Variants in ADAMTS18 observed in about 807,000 individuals in gnomAD.
The protein encoded by ADAMTS18 is A disintegrin and metalloproteinase with thrombospondin motifs 18.
A neutral mutation model predicts 165.9 loss-of-function variants in ADAMTS18; 157 were observed. The ratio of observed to expected loss-of-function variants is 0.95; its 90% CI spans 0.83 to 1.08. The LOEUF is 1.08. Ranked by LOEUF, ADAMTS18 falls within the 50% of genes least tolerant of loss-of-function variation. ADAMTS18 has a pLI of 0.00. For missense variants in ADAMTS18, 2,040 were observed against 1,534.0 expected, an observed-to-expected ratio of 1.33 and a Z score of -5.51; for synonymous variants, 782 against 578.2, an observed-to-expected ratio of 1.35 and a Z score of -5.06.
At position 77,321,229 on chromosome 16, in the gene ADAMTS18, A is replaced by T. The variant is rs1419864580; in HGVS notation, c.2164-27T>A. 1.9e-6 allele frequency: 3 copies of T among 1,613,962 alleles called. No individual in the cohort carries two copies. The South Asian group carries it at 3.3e-5, about 18-fold the overall frequency. ...TGTGACAAAAACAAAAAACGTGAGA[A>T]AATAAAAGATCAGAGAAGCCAGAGG... On this transcript the variant is annotated intron_variant, in intron 14 of 22. Coordinates refer to ENST00000282849, the MANE Select transcript of ADAMTS18 (RefSeq NM_199355.4).
intron 3 of ADAMTS18, among the ~76,000 whole-genome samples, chr16:77,430,161 C>CAAAA (rs1289271946): frequency 1.3e-5 from 2 of 151,754 alleles, no homozygotes; most frequent in South Asian, 2.1e-4. Flanking sequence ...AACAAACAAA[C>CAAAA]AAACAAACAA....
chr16:77,414,146 C>G (rs964516642), intron 3 of ADAMTS18, among the ~76,000 whole-genome samples: 1 of 152,226 alleles, frequency 6.6e-6, no homozygotes, highest in Non-Finnish European at 1.5e-5. Flanking sequence ...ATCAACCTGT[C>G]CACATCAGAG....
At chr16:77,406,344 A>G (rs537385574) in intron 3 of ADAMTS18, among the ~76,000 whole-genome samples, 67 of 152,172 alleles carry the variant, frequency 4.4e-4, no homozygotes, top group Non-Finnish European at 5.4e-4. Flanking sequence ...TCAATCTGAT[A>G]GAGGGTATCT....
At chr16:77,424,404 G>A (rs1008949490) in intron 3 of ADAMTS18, among the ~76,000 whole-genome samples, 1 of 151,644 alleles carries the variant, frequency 6.6e-6, no homozygotes, top group African/African-American at 2.4e-5. Flanking sequence ...TGAGGCAGAG[G>A]TTGCAGTGAG....
intron 3 of ADAMTS18, among the ~76,000 whole-genome samples, chr16:77,411,538 A>C (rs2057463041): frequency 6.6e-6 from 1 of 152,186 alleles, no homozygotes; most frequent in Non-Finnish European, 1.5e-5. Context: ...CATTATTCAA[A>C]TAAGCACATG....
intron 3 of ADAMTS18, among the ~76,000 whole-genome samples, chr16:77,411,383 G>A: frequency 6.6e-6 from 1 of 152,144 alleles, no homozygotes; most frequent in South Asian, 2.1e-4. Context: ...TTGCTTTCTG[G>A]ATACTCTCTG....
intron 22 of ADAMTS18, among the ~76,000 whole-genome samples, chr16:77,285,772 C>T (rs2055238503): frequency 6.6e-6 from 1 of 152,110 alleles, no homozygotes; most frequent in Non-Finnish European, 1.5e-5. Flanking sequence ...TTCTTTGCTT[C>T]ACGTTCTCCA....
intron 14 of ADAMTS18, 45 bp from the exon 15 acceptor site, chr16:77,321,247 G>T (rs775065895): frequency 6.2e-7 from 1 of 1,612,408 alleles, no homozygotes; most frequent in East Asian, 2.2e-5. Context: ...GATCAGAGAA[G>T]CCAGAGGCTG....
intron 3 of ADAMTS18, among the ~76,000 whole-genome samples, chr16:77,426,726 T>C (rs2057677660): frequency 6.6e-6 from 1 of 152,050 alleles, no homozygotes; most frequent in Admixed American, 6.6e-5. Flanking sequence ...AGTTGTCCAA[T>C]GAAAAAAGGA....
At chr16:77,425,260 GA>G (rs2057656697) in intron 3 of ADAMTS18, among the ~76,000 whole-genome samples, 1 of 152,138 alleles carries the variant, frequency 6.6e-6, no homozygotes, top group African/African-American at 2.4e-5. Flanking sequence ...AATTGTTGGG[GA>G]CAAAGAAAAG....
intron 10 of ADAMTS18, among the ~76,000 whole-genome samples, chr16:77,345,106 A>G (rs1276677495): frequency 3.3e-5 from 5 of 152,110 alleles, no homozygotes; most frequent in Admixed American, 6.5e-5. Context: ...AAGAGTCCCA[A>G]TGCTATCCAT....
At chr16:77,287,497 G>C (rs533157555) in intron 22 of ADAMTS18, among the ~76,000 whole-genome samples, 4 of 152,066 alleles carry the variant, frequency 2.6e-5, no homozygotes, top group Admixed American at 2.6e-4. Context: ...TCCTCTTTTT[G>C]AGACAGGGTC....
At chr16:77,368,605 C>T (rs1015059535) in intron 3 of ADAMTS18, among the ~76,000 whole-genome samples, 11 of 151,732 alleles carry the variant, frequency 7.2e-5, no homozygotes, top group Non-Finnish European at 1.3e-4. Flanking sequence ...CTCAGAAATG[C>T]GGTCTATATT....
At chr16:77,405,388 T>A in intron 3 of ADAMTS18, among the ~76,000 whole-genome samples, 1 of 152,154 alleles carries the variant, frequency 6.6e-6, no homozygotes, top group East Asian at 1.9e-4. Flanking sequence ...TGATCATCAA[T>A]AGGACAGATT....
At position 77,335,774 on chromosome 16, in the gene ADAMTS18, C is replaced by T. The variant is rs2056299217; in HGVS notation, c.1841G>A (p.Arg614Lys). ...GGCTTACTTGGGGTTATTGCAGTGT[C>T]TCTCCTGGAACTTGACTCCTCCACC... ...TCGGGVKFQE[R>K]HCNNPKPQYG... The change falls in exon 12 of 23, where the codon AGA becomes AAA. Residue 614 changes from arginine (R) to lysine (K), a missense_variant. By Grantham distance (26) the Arg-to-Lys change is conservative. Transcript: ENST00000282849. 4.3e-6 allele frequency: 7 copies of T among 1,614,206 alleles called. No homozygotes were observed. The highest frequency in any genetic ancestry group is 5.9e-6 in the Non-Finnish European group (7 of 1,180,036).
At chr16:77,383,044 T>C (rs1032865678) in intron 3 of ADAMTS18, among the ~76,000 whole-genome samples, 1 of 152,218 alleles carries the variant, frequency 6.6e-6, no homozygotes, top group South Asian at 2.1e-4. Context: ...TGTGGCATTA[T>C]GCAGTTAAGA....
At chr16:77,391,908 G>A (rs1479792467) in intron 3 of ADAMTS18, among the ~76,000 whole-genome samples, 1 of 152,148 alleles carries the variant, frequency 6.6e-6, no homozygotes, top group Non-Finnish European at 1.5e-5. Flanking sequence ...AGGTGGTTTG[G>A]TGAAACAGAC....
At chr16:77,364,683 A>G (rs1040137868) in intron 4 of ADAMTS18, among the ~76,000 whole-genome samples, 2 of 149,740 alleles carry the variant, frequency 1.3e-5, no homozygotes, top group Non-Finnish European at 3.0e-5. Context: ...GTAGAAATAA[A>G]TGGATAATGG....
At chr16:77,296,691 G>C (rs2055479244) in intron 18 of ADAMTS18, among the ~76,000 whole-genome samples, 1 of 152,108 alleles carries the variant, frequency 6.6e-6, no homozygotes, top group African/African-American at 2.4e-5. Context: ...GTGGTGACGT[G>C]CACCTGTAAT....
Sources: gnomAD v4.1 joint callset for allele counts (sites outside exome capture counted in the v4.1 genomes callset) on GRCh38, gnomAD v4.1.1 for gene constraint, MANE v1.5 for transcripts, NCBI Gene and HGNC (gene_info 2026-07-23, HGNC 2026-07-21) for gene names.